Variants in POGZ observed in about 807,000 individuals in gnomAD.
The protein encoded by POGZ is pogo transposable element with ZNF domain.
A neutral mutation model predicts 134.6 loss-of-function variants in POGZ; 17 were observed. That is an observed-to-expected ratio of 0.13 (90% CI 0.09 to 0.19). The LOEUF is 0.19. Ranked by LOEUF, POGZ falls within the 10% of genes least tolerant of loss-of-function variation. The probability of loss-of-function intolerance (pLI) is 1.00; values close to 1 mark genes in which losing one functional copy is unlikely to be tolerated. For missense variants in POGZ, 1,306 were observed against 1,769.7 expected, an observed-to-expected ratio of 0.74 and a Z score of 4.70; for synonymous variants, 693 against 657.1, an observed-to-expected ratio of 1.05 and a Z score of -0.84.
Position 151,406,040 on chromosome 1 carries a change from G to C in POGZ, c.2995C>G (p.Pro999Ala). ...AGCCAACGGCGAATACGTCGCTGGG[G>C]ATTTCGGAAGTGTTCAGCTGCCTGT... ...TEQAAEHFRN[P>A]QRRIRRWLRR... The change falls in exon 19 of 19, where the codon CCC becomes GCC. Residue 999 changes from proline to alanine, a missense_variant. Pro to Ala is a conservative substitution (Grantham distance 27). Around this residue, in one of 10 missense-constraint regions of POGZ, gnomAD observed 214 missense variants for 255.5 expected, o/e 0.84. Transcript: ENST00000271715. 6.2e-7 allele frequency: 1 copy of C among 1,614,192 alleles called. No individual in the cohort carries two copies. The highest frequency in any genetic ancestry group is 8.5e-7 in the Non-Finnish European group (1 of 1,180,036).
At chr1:151,441,470 T>C (rs1020840852) in intron 2 of POGZ, among the ~76,000 whole-genome samples, 4 of 152,160 alleles carry the variant, frequency 2.6e-5, no homozygotes, top group Non-Finnish European at 5.9e-5. Context: ...CCCAAACCAA[T>C]GCCATCTTCA....
intron 10 of POGZ, 103 bp from the exon 11 acceptor site, chr1:151,412,499 C>CAATCAGTA (rs1654842963): frequency 1.5e-6 from 1 of 674,066 alleles, no homozygotes; most frequent in Admixed American, 2.5e-5. Context: ...TGATTTTCAA[C>CAATCAGTA]AATCAGTAAA....
chr1:151,438,812 G>A (rs1298726948), intron 3 of POGZ, among the ~76,000 whole-genome samples: 1 of 152,024 alleles, frequency 6.6e-6, no homozygotes, highest in Non-Finnish European at 1.5e-5. Flanking sequence ...CAGAGGTTGA[G>A]GCTGCAGTGA....
intron 12 of POGZ, among the ~76,000 whole-genome samples, chr1:151,410,247 A>C (rs564458500): frequency 6.6e-6 from 1 of 152,328 alleles, no homozygotes; most frequent in African/African-American, 2.4e-5. Flanking sequence ...CTCTGGATTT[A>C]CCTACCCTGG....
intron 10 of POGZ, among the ~76,000 whole-genome samples, chr1:151,415,498 G>A (rs898931142): frequency 1.3e-5 from 2 of 151,606 alleles, no homozygotes; most frequent in East Asian, 1.9e-4. Flanking sequence ...ATGAAACCCC[G>A]TCTCTACTAA....
Position 151,459,207 on chromosome 1 carries a change from A to C in POGZ, c.-57T>G, listed in dbSNP as rs1663217532. ...CCCGAGGAAGGCGCCGTCGCCTTAA[A>C]GGGACCTTACACCCGGCGCCAGAAG... On this transcript the variant is annotated 5_prime_UTR_variant, in exon 1 of 19. Coordinates refer to ENST00000271715, the MANE Select transcript of POGZ (RefSeq NM_015100.4). 6.8e-6 allele frequency: 1 copy of C among 146,296 alleles called. No individual in the cohort carries two copies. The highest frequency in any genetic ancestry group is 2.2e-4 in the South Asian group (1 of 4,446). 9.1% of individuals were successfully genotyped at this position (146,296 alleles called of 1,614,324 possible). A position where few individuals can be genotyped will look rare whatever the true frequency, so the allele number is the denominator to read the frequency against.
intron 1 of POGZ, among the ~76,000 whole-genome samples, chr1:151,446,236 C>A (rs1180134313): frequency 7.3e-5 from 10 of 137,120 alleles, no homozygotes; most frequent in Non-Finnish European, 1.4e-4. Flanking sequence ...TCCTTCCATA[C>A]CAAATCTTTC....
Position 151,404,731 on chromosome 1 carries a change from T to G in POGZ, c.*71A>C. On this transcript the variant is annotated 3_prime_UTR_variant, in exon 19 of 19. Coordinates refer to ENST00000271715, the MANE Select transcript of POGZ (RefSeq NM_015100.4). Reference sequence around the variant, plus strand: ...AAATACCCCACCTGGTATGCCCCCTTTTCCCTAAGCCCCTTTACCCTCCCT... The same window carrying G: ...AAATACCCCACCTGGTATGCCCCCTGTTCCCTAAGCCCCTTTACCCTCCCT... 2 of 1,499,182 alleles carry G rather than the reference T, an allele frequency of 1.3e-6. No individual in the cohort carries two copies. The highest frequency in any genetic ancestry group is 1.4e-5 in the South Asian group (1 of 71,256). The allele number at this position is 1,499,182 out of a possible 1,614,324, so 92.9% of individuals were successfully genotyped here.
At position 151,405,417 on chromosome 1, in the gene POGZ, C is replaced by A; in HGVS notation, c.3618G>T (p.Glu1206Asp). 2 of 1,614,118 alleles carry A rather than the reference C, an allele frequency of 1.2e-6. No individual in the cohort carries two copies. The highest frequency in any genetic ancestry group is 1.7e-6 in the Non-Finnish European group (2 of 1,179,978). The stretch of plus-strand genomic sequence containing the variant: ...TCTGCCACACTCGAGTTGACCACAG[C>A]TCCATGATCTCGTCATCACTGTAGC... Reference protein sequence around the residue: ...ESGYSDDEIMELWSTRVWQKH... With the variant: ...ESGYSDDEIMDLWSTRVWQKH... Residue 1206 changes from glutamate (E) to aspartate (D), a missense_variant, in exon 19 of 19, where the codon GAG (glutamate) becomes GAT (aspartate). Glu to Asp is a conservative substitution (Grantham distance 45, BLOSUM62 2). This residue lies in a region of POGZ where 161 missense variants were observed against 185.4 expected (regional missense o/e 0.87). Transcript: ENST00000271715. This position sits in a 1 kb window ranked among gnomAD's most constrained non-coding sequence, Gnocchi z 4.9.
chr1:151,411,515 C>T (rs1030155505), intron 12 of POGZ, 110 bp downstream of exon 12: 10 of 692,276 alleles, frequency 1.4e-5, no homozygotes, highest in Admixed American at 8.0e-5. Context: ...CAAACATATG[C>T]ATATTATAAT....
rs199639268 is a variant in POGZ, at chr1:151,405,446, T to C, written c.3589A>G (p.Ser1197Gly). The C allele has an allele frequency of 4.3e-5, 69 of 1,614,058 alleles. No individual in the cohort carries two copies. Among genetic ancestry groups the C allele is most frequent in the Admixed American group, 6.7e-5 (4 of 60,002 alleles). The change falls in exon 19 of 19, where the codon AGT (serine) becomes GGT (glycine). Residue 1197 changes from serine to glycine, a missense_variant. Coordinates refer to ENST00000271715, the MANE Select transcript of POGZ (RefSeq NM_015100.4). This position sits in a 1 kb window ranked among gnomAD's most constrained non-coding sequence, Gnocchi z 4.9. ...PDSILLEAKE[S>G]GYSDDEIMEL... The stretch of plus-strand genomic sequence containing the variant: ...ATGATCTCGTCATCACTGTAGCCAC[T>C]CTCCTTTGCCTCTAGCAATATGGAG...
chr1:151,411,447 T>A (rs1177690136), intron 12 of POGZ, among the ~76,000 whole-genome samples, 178 bp downstream of exon 12: 2 of 152,226 alleles, frequency 1.3e-5, no homozygotes, highest in Non-Finnish European at 2.9e-5. Flanking sequence ...TGTTTACTAC[T>A]AAATCTCTAG....
intron 10 of POGZ, among the ~76,000 whole-genome samples, chr1:151,418,884 G>A (rs2102240269): frequency 6.6e-6 from 1 of 151,498 alleles, no homozygotes; most frequent in Non-Finnish European, 1.5e-5. Context: ...AATTAGCCGG[G>A]CATGGTGGTG....
intron 12 of POGZ, among the ~76,000 whole-genome samples, chr1:151,410,855 A>T (rs1387392003): frequency 6.6e-6 from 1 of 152,170 alleles, no homozygotes; most frequent in East Asian, 1.9e-4. Context: ...CTTAGGCACT[A>T]TTCTTAACTA....
At chr1:151,436,877 G>A (rs1043129836) in intron 3 of POGZ, among the ~76,000 whole-genome samples, 13 of 152,120 alleles carry the variant, frequency 8.5e-5, no homozygotes, top group Non-Finnish European at 1.8e-4. Flanking sequence ...TAGAACTGCT[G>A]GGTTATATGG....
At position 151,406,242 on chromosome 1, in the gene POGZ, C is replaced by A; in HGVS notation, c.2793G>T (p.Pro931=). 1.2e-6 allele frequency: 2 copies of A among 1,613,996 alleles called. No individual in the cohort carries two copies. The highest frequency in any genetic ancestry group is 1.1e-5 in the South Asian group (1 of 91,062). Residue 931 remains proline (P), a synonymous_variant, in exon 19 of 19, where the codon CCG becomes CCT. Coordinates refer to ENST00000271715, the MANE Select transcript of POGZ (RefSeq NM_015100.4). ...GACATTCGGCTCCCTCTGTAGCCAG[C>A]GGTGGAAGGGCTAAAGCCTGCGGGT... is the stretch of plus-strand genomic sequence containing the variant. ...PTHPQALALP[P]LATEGAECLN... is the part of the protein sequence containing the mutation.
At chr1:151,420,837 C>T (rs1656769141) in intron 10 of POGZ, among the ~76,000 whole-genome samples, 1 of 152,022 alleles carries the variant, frequency 6.6e-6, no homozygotes, top group East Asian at 1.9e-4. Context: ...TTTTAATATA[C>T]TGAATAAAAT....
intron 3 of POGZ, among the ~76,000 whole-genome samples, chr1:151,439,565 G>A (rs1244528727): frequency 6.6e-6 from 1 of 152,116 alleles, no homozygotes; most frequent in African/African-American, 2.4e-5. Flanking sequence ...TTGCAAATAC[G>A]TTTTACACAG....
chr1:151,437,700 C>T (rs773567710), intron 3 of POGZ, among the ~76,000 whole-genome samples: 1 of 151,988 alleles, frequency 6.6e-6, no homozygotes, highest in Non-Finnish European at 1.5e-5. Flanking sequence ...TGCAGTGAGC[C>T]GAGACTGCGC....
Sources: allele counts gnomAD v4.1 joint callset (sites outside exome capture counted in the v4.1 genomes callset), GRCh38; gene constraint gnomAD v4.1.1; regional missense constraint gnomAD v4.1.1; non-coding constraint Gnocchi (gnomAD v3.1); transcripts MANE v1.5; gene names NCBI Gene and HGNC (gene_info 2026-07-23, HGNC 2026-07-21).